PPP2R1B: variants seen among roughly 807,000 people sequenced by gnomAD.
The protein encoded by PPP2R1B is protein phosphatase 2 scaffold subunit Abeta, also known as serine/threonine-protein phosphatase 2A 65 kDa regulatory subunit A beta isoform.
Under a neutral mutation model 72.7 loss-of-function variants are expected in PPP2R1B, and 58 were observed. That is an observed-to-expected ratio of 0.80 (90% CI 0.65 to 0.99). The LOEUF is 0.99. Among genes scored for constraint, PPP2R1B ranks in the 50% least tolerant of loss-of-function variants. The pLI is 0.00. For synonymous variants in PPP2R1B, 256 were observed against 264.6 expected, an observed-to-expected ratio of 0.97 and a Z score of 0.32; for missense variants, 695 against 733.6, an observed-to-expected ratio of 0.95 and a Z score of 0.61.
At chr11:111,765,651 T>C (rs1027930365) in intron 1 of PPP2R1B, 7 of 516,510 alleles carry the variant, frequency 1.4e-5, no homozygotes, top group Admixed American at 1.0e-4. Context: ...ACCTAGGAAG[T>C]AAGATAATTT....
the PPP2R1B span, among the ~76,000 whole-genome samples, chr11:111,716,644 TC>T: frequency 6.6e-6 from 1 of 152,228 alleles, no homozygotes; most frequent in South Asian, 2.1e-4. Flanking sequence ...TTTCTAGCTG[TC>T]CCAGGATAAA....
At chr11:111,695,419 T>TA in the PPP2R1B span, among the ~76,000 whole-genome samples, 40 of 152,034 alleles carry the variant, frequency 2.6e-4, no homozygotes, top group African/African-American at 9.2e-4. Context: ...TTTCCTGTTT[T>TA]AAAAAAAAGG....
At chr11:111,715,134 G>A in the PPP2R1B span, among the ~76,000 whole-genome samples, 2 of 152,228 alleles carry the variant, frequency 1.3e-5, no homozygotes, top group African/African-American at 4.8e-5. Context: ...TGCATTTGTA[G>A]GAAGAGCAGT....
At chr11:111,691,865 C>T in the PPP2R1B span, among the ~76,000 whole-genome samples, 1 of 152,192 alleles carries the variant, frequency 6.6e-6, no homozygotes. Flanking sequence ...TAACTCTGCT[C>T]TTACCTCAAG....
chr11:111,738,517 C>A lies in PPP2R1B; in HGVS notation c.*3079G>T. The A allele has an allele frequency of 1.0e-6, 1 of 985,462 alleles. No individual in the cohort carries two copies. The highest frequency in any genetic ancestry group is 1.2e-6 in the Non-Finnish European group (1 of 829,942). 61.0% of individuals were successfully genotyped at this position (985,462 alleles called of 1,614,324 possible). Reference sequence around the variant, plus strand: ...AGGCTTGCTTCCCTGGAAGTCTACGCAAGCAACCTGAATGCCTGGACAAGC... The same window carrying A: ...AGGCTTGCTTCCCTGGAAGTCTACGAAAGCAACCTGAATGCCTGGACAAGC... On this transcript the variant is annotated 3_prime_UTR_variant, in exon 15 of 15. Transcript: ENST00000527614.
At chr11:111,691,705 T>A in the PPP2R1B span, among the ~76,000 whole-genome samples, 1 of 152,188 alleles carries the variant, frequency 6.6e-6, no homozygotes, top group Non-Finnish European at 1.5e-5. Flanking sequence ...ATCTAAGCAC[T>A]CAAATTTTCT....
chr11:111,720,569 G>A, the PPP2R1B span: 1 of 1,614,094 alleles, frequency 6.2e-7, no homozygotes, highest in Non-Finnish European at 8.5e-7. Context: ...TGAACTTTCT[G>A]GAAGACAACC....
At chr11:111,717,807 C>G in the PPP2R1B span, among the ~76,000 whole-genome samples, 3 of 152,226 alleles carry the variant, frequency 2.0e-5, no homozygotes, top group South Asian at 6.2e-4. Context: ...ATGAATGGAG[C>G]TGGAAGCCAT....
At chr11:111,763,457 T>C (rs1202971383) in intron 3 of PPP2R1B, among the ~76,000 whole-genome samples, 1 of 152,168 alleles carries the variant, frequency 6.6e-6, no homozygotes, top group African/African-American at 2.4e-5. Flanking sequence ...TGCTGGGTGA[T>C]GTGAACTGTA....
At chr11:111,698,537 T>C in the PPP2R1B span, among the ~76,000 whole-genome samples, 1 of 151,906 alleles carries the variant, frequency 6.6e-6, no homozygotes, top group Admixed American at 6.6e-5. Context: ...AGCCCAGGAG[T>C]TGGAGACCAG....
chr11:111,759,954 G>A lies in PPP2R1B; in HGVS notation c.540-3C>T, dbSNP rs555202142. On this transcript the variant is annotated splice_polypyrimidine_tract_variant and splice_region_variant and intron_variant, in intron 4 of 14. Coordinates refer to ENST00000527614, the MANE Select transcript of PPP2R1B (RefSeq NM_002716.5). Reference sequence around the variant, plus strand: ...CTGAGCACAAGGAACGGAATTGCCTGCAACATAAAACAATGAAGGTATTTC... The same window carrying A: ...CTGAGCACAAGGAACGGAATTGCCTACAACATAAAACAATGAAGGTATTTC... 1.9e-6 allele frequency: 3 copies of A among 1,613,094 alleles called. No homozygotes were observed. The highest frequency in any genetic ancestry group is 1.1e-5 in the South Asian group (1 of 90,888).
chr11:111,754,992 G>C lies in PPP2R1B; in HGVS notation c.946C>G (p.His316Asp). ...TGAACTCCTTAACCTTTTACTTTGT[G>C]GGCAGCAGCTGCCCGGACTTCAGCT... The part of the protein sequence containing the change: ...CEAEVRAAAA[H>D]KVKELGENLP... Residue 316 changes from histidine to aspartate, a missense_variant, in exon 7 of 15, where the codon CAC (histidine) becomes GAC (aspartate). By Grantham distance (81) the His-to-Asp change is moderately conservative (BLOSUM62 -1). Coordinates refer to ENST00000527614, the MANE Select transcript of PPP2R1B (RefSeq NM_002716.5). The C allele has an allele frequency of 6.2e-7, 1 of 1,611,104 alleles. No homozygotes were observed. Among genetic ancestry groups the C allele is most frequent in the African/African-American group, 1.3e-5 (1 of 74,956 alleles).
chr11:111,756,552 A>T (rs540933214), intron 5 of PPP2R1B, among the ~76,000 whole-genome samples: 1 of 152,346 alleles, frequency 6.6e-6, no homozygotes, highest in East Asian at 1.9e-4. Flanking sequence ...AAAAACTCAG[A>T]TCAGGGTCGC....
downstream of PPP2R1B, chr11:111,723,817 GCCACCGCCACCACCCCCTCCA>G (rs1943879899): frequency 6.2e-7 from 1 of 1,612,796 alleles, no homozygotes; most frequent in Admixed American, 1.7e-5. Context: ...AGCAGCAGCC[GCCACCGCCACCACCCCCTCCA>G]CCACCACGAC....
At chr11:111,766,017 CCGGG>C in intron 1 of PPP2R1B, 2 of 586,376 alleles carry the variant, frequency 3.4e-6, no homozygotes, top group South Asian at 3.5e-5. Context: ...GGGCAAGGCT[CCGGG>C]CGGACGCCTC....
At chr11:111,722,722 C>T (rs1010110839), downstream of PPP2R1B, 1 of 1,614,160 alleles carries the variant, frequency 6.2e-7, no homozygotes, top group South Asian at 1.1e-5. This position sits in a 1 kb window ranked among gnomAD's most constrained non-coding sequence, Gnocchi z 4.4. Context: ...CAAAGAACCA[C>T]CGCGGAGCCT....
intron 1 of PPP2R1B, 55 bp downstream of exon 1, chr11:111,766,193 T>C: frequency 6.3e-7 from 1 of 1,578,280 alleles, no homozygotes; most frequent in Non-Finnish European, 8.7e-7. Flanking sequence ...CCTTCCCCCT[T>C]CTCTACCACG....
At chr11:111,760,094 A>C in intron 4 of PPP2R1B, 143 bp from the exon 5 acceptor site, 2 of 933,588 alleles carry the variant, frequency 2.1e-6, no homozygotes. Context: ...CAAAAATAAA[A>C]CATATTCAAC....
At chr11:111,746,202 T>C (rs914245353) in intron 11 of PPP2R1B, among the ~76,000 whole-genome samples, 1 of 151,500 alleles carries the variant, frequency 6.6e-6, no homozygotes, top group Non-Finnish European at 1.5e-5. Context: ...AAAGAAAGCA[T>C]AGAATGACTT....
Sources: allele counts gnomAD v4.1 joint callset (sites outside exome capture counted in the v4.1 genomes callset), GRCh38; gene constraint gnomAD v4.1.1; non-coding constraint Gnocchi (gnomAD v3.1); transcripts MANE v1.5; gene names NCBI Gene and HGNC (gene_info 2026-07-23, HGNC 2026-07-21).